LNX1: variants seen among roughly 807,000 people sequenced by gnomAD.
LNX1 encodes the protein E3 ubiquitin-protein ligase LNX.
A neutral mutation model predicts 68.4 loss-of-function variants in LNX1; 54 were observed. The observed-to-expected ratio is 0.79, with a 90% CI of 0.63 to 0.99. The LOEUF (loss-of-function observed/expected upper bound fraction) is 0.99. Ranked by LOEUF, LNX1 falls within the 50% of genes least tolerant of loss-of-function variation. The pLI is 0.00. For missense variants in LNX1, 906 were observed against 926.4 expected, an observed-to-expected ratio of 0.98 and a Z score of 0.29; for synonymous variants, 336 against 350.0, an observed-to-expected ratio of 0.96 and a Z score of 0.45.
chr4:53,544,290 G>T (rs995346688), intron 2 of LNX1, among the ~76,000 whole-genome samples: 2 of 151,952 alleles, frequency 1.3e-5, no homozygotes, highest in East Asian at 1.9e-4. Flanking sequence ...TGCCTTCCAG[G>T]TCAGGCAATA....
At chr4:53,482,381 T>G (rs768508591) in intron 6 of LNX1, among the ~76,000 whole-genome samples, 1 of 152,206 alleles carries the variant, frequency 6.6e-6, no homozygotes, top group Non-Finnish European at 1.5e-5. Flanking sequence ...GGGGATGACT[T>G]CATACATTAA....
At chr4:53,636,141 A>G (rs1734464934) in intron 1 of LNX1, among the ~76,000 whole-genome samples, 1 of 149,584 alleles carries the variant, frequency 6.7e-6, no homozygotes, top group African/African-American at 2.5e-5. Flanking sequence ...CAGAGTGGAA[A>G]TCAAAGAGGG....
At chr4:53,626,797 A>C (rs996713094) in intron 1 of LNX1, among the ~76,000 whole-genome samples, 2 of 149,552 alleles carry the variant, frequency 1.3e-5, no homozygotes, top group Non-Finnish European at 3.0e-5. Flanking sequence ...AAAAGAGCTT[A>C]TAATCATAAA....
chr4:53,590,599 A>C (rs1440056205), intron 1 of LNX1, among the ~76,000 whole-genome samples: 2 of 152,178 alleles, frequency 1.3e-5, no homozygotes, highest in Non-Finnish European at 2.9e-5. Flanking sequence ...TGGCAGAACA[A>C]CTTCCTCGGT....
intron 2 of LNX1, chr4:53,549,261 G>A (rs1439458791): frequency 1.3e-5 from 2 of 152,252 alleles, no homozygotes; most frequent in East Asian, 3.9e-4. Context: ...TACATTCATA[G>A]ACTTCAATGC....
At chr4:53,497,670 G>C (rs7687290) in intron 5 of LNX1, among the ~76,000 whole-genome samples, 148,949 of 152,346 alleles carry the variant, frequency 0.98, 72,906 homozygotes, top group Middle Eastern at 1. Context: ...ATGCAACCCT[G>C]CCAGGCAGCA....
chr4:53,637,955 C>A (rs6554120), intron 1 of LNX1, among the ~76,000 whole-genome samples: 50,689 of 151,994 alleles, frequency 0.33, 8,936 homozygotes, highest in East Asian at 0.58. Flanking sequence ...AGAGAAGGCT[C>A]CCACTGTGTA....
intron 2 of LNX1, among the ~76,000 whole-genome samples, chr4:53,566,484 A>G (rs1294507674): frequency 2.0e-5 from 3 of 151,496 alleles, no homozygotes; most frequent in Non-Finnish European, 4.4e-5. Context: ...GCCCTAAAAG[A>G]GCTCCTGAAG....
intron 6 of LNX1, among the ~76,000 whole-genome samples, chr4:53,488,944 G>GA (rs961412067): frequency 5.3e-5 from 8 of 151,764 alleles, no homozygotes; most frequent in African/African-American, 1.7e-4. Flanking sequence ...AACTTCCAGG[G>GA]AAAAAAAATC....
Position 53,591,429 on chromosome 4 carries a change from C to A in LNX1, c.-128G>T. ...CTGGGGCTCTCCAAGCAGCAGCAGG[C>A]AGGCAGCTCTCATTCCTTGTGGGTG... On this transcript the variant is annotated 5_prime_UTR_variant, in exon 1 of 11. Coordinates refer to ENST00000263925, the MANE Select transcript of LNX1 (RefSeq NM_001126328.3). 1.0e-6 allele frequency: 1 copy of A among 985,760 alleles called. No homozygotes were observed. The highest frequency in any genetic ancestry group is 5.2e-4 in the Middle Eastern group (1 of 1,918). The allele number at this position is 985,760 out of a possible 1,614,324, so 61.1% of individuals were successfully genotyped here. A position where few individuals can be genotyped will look rare whatever the true frequency, so the allele number is the denominator to read the frequency against.
At chr4:53,615,693 T>C (rs760614309) in intron 2 of LNX1, among the ~76,000 whole-genome samples, 4 of 152,238 alleles carry the variant, frequency 2.6e-5, no homozygotes, top group Non-Finnish European at 5.9e-5. Context: ...CCATGCCTTA[T>C]TAATACAGAG....
At chr4:53,618,422 G>A (rs942125356), upstream of LNX1, among the ~76,000 whole-genome samples, 2 of 152,162 alleles carry the variant, frequency 1.3e-5, no homozygotes, top group Non-Finnish European at 2.9e-5. Flanking sequence ...TGCTCTTTGA[G>A]ATAACAAAGC....
chr4:53,624,288 G>C (rs910549011), intron 1 of LNX1, among the ~76,000 whole-genome samples: 6 of 152,266 alleles, frequency 3.9e-5, no homozygotes, highest in African/African-American at 1.4e-4. Context: ...TGTAGTGGAA[G>C]GGATCTGGTG....
At chr4:53,580,280 T>G (rs1334959210) in intron 1 of LNX1, among the ~76,000 whole-genome samples, 3 of 152,240 alleles carry the variant, frequency 2.0e-5, no homozygotes, top group African/African-American at 7.2e-5. Flanking sequence ...AGTCCTTTAA[T>G]TATTTGAAGA....
chr4:53,586,546 T>G (rs1027065179), intron 1 of LNX1, among the ~76,000 whole-genome samples: 1 of 152,174 alleles, frequency 6.6e-6, no homozygotes, highest in Non-Finnish European at 1.5e-5. Context: ...GTCCACATAT[T>G]CTAAGTCACA....
intron 2 of LNX1, among the ~76,000 whole-genome samples, chr4:53,597,188 A>G (rs994851121): frequency 3.9e-5 from 6 of 152,110 alleles, no homozygotes; most frequent in Non-Finnish European, 8.8e-5. Context: ...TGCTAGCTGC[A>G]CTTGTCACTC....
At chr4:53,557,819 AC>A in intron 2 of LNX1, 1 of 1,605,922 alleles carries the variant, frequency 6.2e-7, no homozygotes, top group Non-Finnish European at 8.5e-7. Context: ...CTCGGGTCCC[AC>A]CCCCAACATA....
intron 9 of LNX1, among the ~76,000 whole-genome samples, chr4:53,473,450 A>G (rs1179112265): frequency 3.3e-5 from 5 of 152,256 alleles, no homozygotes; most frequent in African/African-American, 1.2e-4. Context: ...GTACATATAC[A>G]TCATGGAATA....
chr4:53,611,218 AT>A (rs1733482029), intron 2 of LNX1, among the ~76,000 whole-genome samples: 1 of 152,116 alleles, frequency 6.6e-6, no homozygotes, highest in African/African-American at 2.4e-5. Context: ...AAGAAAAGGA[AT>A]GAAAAAAAAA....
Sources: gnomAD v4.1 joint callset for allele counts (sites outside exome capture counted in the v4.1 genomes callset) on GRCh38, gnomAD v4.1.1 for gene constraint, MANE v1.5 for transcripts, NCBI Gene and HGNC (gene_info 2026-07-23, HGNC 2026-07-21) for gene names.